Variants in GARIN2 observed in about 807,000 individuals in gnomAD.
GARIN2 encodes Golgi-associated RAB2 interactor protein 2.
the GARIN2 span, among the ~76,000 whole-genome samples, chr14:67,223,228 G>A: frequency 6.6e-6 from 1 of 152,110 alleles, no homozygotes; most frequent in Non-Finnish European, 1.5e-5. Context: ...TCGAACTCCT[G>A]ACCTCAAGTG....
chr14:67,203,975 G>A, the GARIN2 span, among the ~76,000 whole-genome samples: 1 of 152,186 alleles, frequency 6.6e-6, no homozygotes, highest in Non-Finnish European at 1.5e-5. Context: ...GCCTCCCAAA[G>A]TGCTGGGATT....
the GARIN2 span, chr14:67,221,664 A>G: frequency 6.7e-7 from 1 of 1,498,058 alleles, no homozygotes; most frequent in Non-Finnish European, 9.0e-7. Context: ...AACGTGTTTC[A>G]TTACTACCCA....
chr14:67,200,867 C>T, the GARIN2 span, among the ~76,000 whole-genome samples: 11 of 152,196 alleles, frequency 7.2e-5, no homozygotes, highest in Non-Finnish European at 1.2e-4. Flanking sequence ...GGGTAGTTAG[C>T]AGTCTATAGG....
At chr14:67,210,029 A>G in the GARIN2 span, among the ~76,000 whole-genome samples, 1 of 152,178 alleles carries the variant, frequency 6.6e-6, no homozygotes, top group Non-Finnish European at 1.5e-5. Context: ...GCTTTTCATT[A>G]GGTGTCAACA....
chr14:67,220,326 C>T, the GARIN2 span, among the ~76,000 whole-genome samples: 1 of 152,000 alleles, frequency 6.6e-6, no homozygotes, highest in African/African-American at 2.4e-5. Context: ...ACCTGAGGTC[C>T]CAGTTACTCA....
At chr14:67,199,889 C>T in the GARIN2 span, 39 of 1,485,546 alleles carry the variant, frequency 2.6e-5, no homozygotes, top group Non-Finnish European at 3.2e-5. Context: ...GGCCCCCCAT[C>T]GGCAGGAACC....
chr14:67,206,728 A>T, the GARIN2 span, among the ~76,000 whole-genome samples: 34 of 151,176 alleles, frequency 2.2e-4, no homozygotes, highest in African/African-American at 7.8e-4. Context: ...GCAATAATTT[A>T]TTATTATTAT....
At chr14:67,208,410 C>T in the GARIN2 span, 3 of 1,613,788 alleles carry the variant, frequency 1.9e-6, no homozygotes, top group Admixed American at 1.7e-5. Flanking sequence ...GAAAAGATGC[C>T]TGATTTTCAG....
chr14:67,198,295 C>T, the GARIN2 span: 4 of 1,613,630 alleles, frequency 2.5e-6, no homozygotes, highest in South Asian at 3.3e-5. Flanking sequence ...GTATCTCCTC[C>T]CATGTTAGAG....
chr14:67,221,409 T>C, the GARIN2 span, among the ~76,000 whole-genome samples: 2 of 152,214 alleles, frequency 1.3e-5, no homozygotes, highest in South Asian at 4.1e-4. Flanking sequence ...CTTATTTATT[T>C]ACACGGCTCA....
At chr14:67,198,085 T>C in the GARIN2 span, 1 of 1,524,904 alleles carries the variant, frequency 6.6e-7, no homozygotes, top group Middle Eastern at 1.8e-4. Context: ...GCAACTTAAT[T>C]ATGATATTAA....
chr14:67,223,443 G>A, the GARIN2 span, among the ~76,000 whole-genome samples: 2 of 152,198 alleles, frequency 1.3e-5, no homozygotes, highest in Admixed American at 6.5e-5. Flanking sequence ...GGCATGATTC[G>A]CTGTCTCAAA....
chr14:67,193,002 ATATCAATATCTAGATATAGATATATCTC>A, the GARIN2 span, among the ~76,000 whole-genome samples: 8 of 146,118 alleles, frequency 5.5e-5, no homozygotes, highest in South Asian at 4.3e-4. Flanking sequence ...ATATCTCTAT[ATATCAATATCTAGATATAGATATATCTC>A]TATCAATATC....
the GARIN2 span, chr14:67,199,601 G>T: frequency 1.9e-6 from 3 of 1,590,654 alleles, no homozygotes; most frequent in Non-Finnish European, 2.6e-6. Context: ...CTTCGAGAAG[G>T]ACTCCAAGGG....
the GARIN2 span, among the ~76,000 whole-genome samples, chr14:67,192,890 A>G: frequency 1.4e-5 from 2 of 146,362 alleles, no homozygotes; most frequent in African/African-American, 2.5e-5. Context: ...ATATATCTAG[A>G]TATCGATATC....
chr14:67,199,545 T>A, the GARIN2 span: 1 of 1,607,832 alleles, frequency 6.2e-7, no homozygotes, highest in Non-Finnish European at 8.5e-7. Context: ...ATTGAAGCCA[T>A]GAATGGGCAG....
At chr14:67,200,170 C>T in the GARIN2 span, 37 of 1,160,540 alleles carry the variant, frequency 3.2e-5, no homozygotes, top group African/African-American at 3.8e-4. Context: ...TATGCCTCCA[C>T]ATGGTATGCG....
At chr14:67,198,541 T>A in the GARIN2 span, among the ~76,000 whole-genome samples, 1 of 152,252 alleles carries the variant, frequency 6.6e-6, no homozygotes, top group Non-Finnish European at 1.5e-5. Context: ...ACTTCTGTCT[T>A]AACTCTACCA....
the GARIN2 span, chr14:67,224,907 T>A: frequency 2.3e-6 from 1 of 432,674 alleles, no homozygotes; most frequent in Admixed American, 4.4e-5. Context: ...AAAGGGAACC[T>A]GCTTGTGAAA....
Sources: allele counts gnomAD v4.1 joint callset (sites outside exome capture counted in the v4.1 genomes callset), GRCh38; gene constraint gnomAD v4.1.1; transcripts MANE v1.5; gene names NCBI Gene and HGNC (gene_info 2026-07-23, HGNC 2026-07-21).